The following COMMD7 variants were observed in gnomAD, a reference collection of about 807,000 sequenced individuals.
COMMD7 encodes the protein COMM domain containing 7.
A neutral mutation model predicts 34.8 loss-of-function variants in COMMD7; 28 were observed. The ratio of observed to expected loss-of-function variants is 0.80; its 90% CI spans 0.60 to 1.10. The LOEUF (loss-of-function observed/expected upper bound fraction) is 1.10, where lower values mean the gene tolerates loss of function less well. Ranked by LOEUF, COMMD7 falls within the 50% of genes least tolerant of loss-of-function variation. The pLI is 0.00. For missense variants in COMMD7, 211 were observed against 241.6 expected (o/e 0.87, Z 0.84); for synonymous variants, 80 against 86.4 (o/e 0.93, Z 0.41).
chr20:32,733,309 G>C (rs958880489), intron 1 of COMMD7, among the ~76,000 whole-genome samples: 1 of 151,930 alleles, frequency 6.6e-6, no homozygotes. Context: ...GGCCACGCGC[G>C]GTGGCTCACG....
rs73906019 is a variant in COMMD7 at position 32,704,701 on chromosome 20, G to T, written c.427+113C>A. 4,468 of 838,318 alleles carry T rather than the reference G, an allele frequency of 5.3e-3. 138 individuals carry two copies. The African/African-American group carries it at 0.068, about 13-fold the overall frequency. 51.9% of individuals were successfully genotyped at this position (838,318 alleles called of 1,614,324 possible). ...GACAGAATACAAAACAGCAGCTGCT[G>T]CCCCAACAGTGCTAGGGACTAGGTC... is the stretch of plus-strand genomic sequence containing the variant. On this transcript the variant is annotated intron_variant, in intron 6 of 8. Coordinates refer to ENST00000278980, the MANE Select transcript of COMMD7 (RefSeq NM_053041.3).
intron 1 of COMMD7, among the ~76,000 whole-genome samples, chr20:32,730,324 G>A (rs1985765014): frequency 6.6e-6 from 1 of 152,052 alleles, no homozygotes; most frequent in Non-Finnish European, 1.5e-5. Context: ...AGAGGCTGAG[G>A]TTGGCGGATC....
Position 32,743,413 on chromosome 20 carries a change from G to A in COMMD7, c.-22C>T, listed in dbSNP as rs1986552545. The A allele has an allele frequency of 7.5e-7, 1 of 1,332,706 alleles. No homozygotes were observed. The highest frequency in any genetic ancestry group is 9.5e-7 in the Non-Finnish European group (1 of 1,047,652). The allele number at this position is 1,332,706 out of a possible 1,614,324, so 82.6% of individuals were successfully genotyped here. A position where few individuals can be genotyped will look rare whatever the true frequency, so the allele number is the denominator to read the frequency against. On this transcript the variant is annotated 5_prime_UTR_variant, in exon 1 of 9. Coordinates refer to ENST00000278980, the MANE Select transcript of COMMD7 (RefSeq NM_053041.3). The stretch of plus-strand genomic sequence containing the variant: ...CCATGGCGCGCGCCCCAGCCCCGCA[G>A]GTTCCACCGCCGCCGCCGCCCTGCT...
intron 1 of COMMD7, among the ~76,000 whole-genome samples, chr20:32,728,646 A>C (rs1027875705): frequency 2.6e-5 from 4 of 151,606 alleles, no homozygotes; most frequent in Non-Finnish European, 5.9e-5. Context: ...GGCTCACTGC[A>C]ACCTCTGCCT....
intron 3 of COMMD7, among the ~76,000 whole-genome samples, chr20:32,713,129 A>G (rs1362627005): frequency 6.7e-6 from 1 of 148,426 alleles, no homozygotes; most frequent in South Asian, 2.2e-4. Context: ...GCTCACTGCA[A>G]CCTCCGCCTC....
At chr20:32,736,769 G>A (rs1986148216) in intron 1 of COMMD7, among the ~76,000 whole-genome samples, 1 of 152,128 alleles carries the variant, frequency 6.6e-6, no homozygotes, top group African/African-American at 2.4e-5. Context: ...TCCTGGGGGT[G>A]ATGGCTCACA....
At chr20:32,718,057 C>T (rs1460670197) in intron 3 of COMMD7, among the ~76,000 whole-genome samples, 4 of 148,502 alleles carry the variant, frequency 2.7e-5, no homozygotes, top group African/African-American at 5.0e-5. Flanking sequence ...CCACTGCACT[C>T]GAGCCTCGGC....
intron 7 of COMMD7, 46 bp from the exon 8 acceptor site, chr20:32,704,117 GGGCA>G (rs35093495): frequency 0.33 from 483,173 of 1,450,898 alleles, 84,178 homozygotes; most frequent in Middle Eastern, 0.38. Flanking sequence ...GATGACAACT[GGGCA>G]AAGAAATTCT....
intron 1 of COMMD7, among the ~76,000 whole-genome samples, chr20:32,741,576 A>C (rs1986448435): frequency 6.6e-6 from 1 of 152,060 alleles, no homozygotes; most frequent in African/African-American, 2.4e-5. Context: ...TTTTTAGTAG[A>C]GACAGGGTTT....
intron 1 of COMMD7, among the ~76,000 whole-genome samples, chr20:32,737,900 G>A (rs984134458): frequency 6.8e-6 from 1 of 147,106 alleles, no homozygotes; most frequent in Admixed American, 6.9e-5. Context: ...TATTTTCTAC[G>A]AATACCAAGC....
intron 1 of COMMD7, among the ~76,000 whole-genome samples, chr20:32,730,511 T>C (rs990553370): frequency 7.2e-5 from 11 of 151,984 alleles, no homozygotes; most frequent in Non-Finnish European, 1.0e-4. Context: ...GTGGAGATCA[T>C]GCCACTGCAC....
Position 32,704,894 on chromosome 20 carries a change from T to G in COMMD7, c.347A>C (p.Asn116Thr), listed in dbSNP as rs375730181. 4 of 1,612,490 alleles carry G rather than the reference T, an allele frequency of 2.5e-6. No homozygotes were observed. In the African/African-American group the frequency reaches 5.3e-5, roughly 22 times the overall value. The part of the protein sequence containing the change: ...ATYFSEKWKQ[N>T]APTLARWAIG... ...GGCCCATCGAGCAAGGGTGGGAGCA[T>G]TCTGCTTCCACTGGAACAAAAGCAA... The change falls in exon 6 of 9, where the codon AAT (asparagine) becomes ACT (threonine). Residue 116 changes from asparagine (N) to threonine (T), a missense_variant. Coordinates refer to ENST00000278980, the MANE Select transcript of COMMD7 (RefSeq NM_053041.3).
chr20:32,738,132 A>T (rs2145788244), intron 1 of COMMD7, among the ~76,000 whole-genome samples: 1 of 152,120 alleles, frequency 6.6e-6, no homozygotes, highest in South Asian at 2.1e-4. Context: ...GACATTATTT[A>T]TTTATTTTCT....
Position 32,704,015 on chromosome 20 carries a change from A to G in COMMD7, c.526+8T>C. 6.2e-6 allele frequency: 10 copies of G among 1,614,096 alleles called. No individual in the cohort carries two copies. The highest frequency in any genetic ancestry group is 8.5e-6 in the Non-Finnish European group (10 of 1,179,990). ...GGTGAAGAGGCTCAAGTGGGAATTC[A>G]GACTCACCTATATACACATTTTCGG... On this transcript the variant is annotated splice_region_variant and intron_variant, in intron 8 of 8. Coordinates refer to ENST00000278980, the MANE Select transcript of COMMD7 (RefSeq NM_053041.3).
At position 32,724,948 on chromosome 20, in the gene COMMD7, AT is replaced by A. The variant is rs376502316; in HGVS notation, c.241+2944del. Among the ~76,000 whole-genome samples the A allele has an allele frequency of 3.8e-5, 5 of 130,432 alleles. 1 individual carries two copies. The highest frequency in any genetic ancestry group is 1.1e-4 in the African/African-American group (4 of 35,150). The allele number at this position is 130,432 out of a possible 152,430, so 85.6% of individuals were successfully genotyped here. ...CCAAGAATTATCAATAAAAAAATAA[AT>A]TTAAAAAAAAAAAAAAAAAAAAAAA... On this transcript the variant is annotated intron_variant, in intron 3 of 8. Transcript: ENST00000278980.
intron 3 of COMMD7, among the ~76,000 whole-genome samples, chr20:32,714,856 A>ACAACAAC (rs1555823789): frequency 1.3e-5 from 2 of 150,022 alleles, no homozygotes; most frequent in African/African-American, 2.5e-5. Flanking sequence ...AACAACAACA[A>ACAACAAC]AAATTAGCCA....
chr20:32,721,837 C>T (rs1985174244), intron 3 of COMMD7, among the ~76,000 whole-genome samples: 1 of 149,982 alleles, frequency 6.7e-6, no homozygotes, highest in African/African-American at 2.5e-5. Context: ...TGGAGGTTTG[C>T]AGTGAGCTGA....
chr20:32,740,863 G>A (rs886224919), intron 1 of COMMD7, among the ~76,000 whole-genome samples: 1 of 151,720 alleles, frequency 6.6e-6, no homozygotes, highest in African/African-American at 2.4e-5. Context: ...GTTACAGTTG[G>A]CAGGGTGCAT....
rs373422944 is a variant in COMMD7 at position 32,704,065 on chromosome 20, A to T, written c.484T>A (p.Leu162Met). 3 of 1,593,140 alleles carry T rather than the reference A, an allele frequency of 1.9e-6. No individual in the cohort carries two copies. The highest frequency in any genetic ancestry group is 2.6e-6 in the Non-Finnish European group (3 of 1,169,120). ...GTTTGATTTCCTTTCTTAACCACCA[A>T]CTTTAGCTGATGAAAGAAAAAGAAA... Reference protein sequence around the residue: ...KVGSIFLQLKLVVKKGNQTEN... With the variant: ...KVGSIFLQLKMVVKKGNQTEN... Residue 162 changes from leucine (L) to methionine (M), a missense_variant, in exon 8 of 9, where the codon TTG becomes ATG. Coordinates refer to ENST00000278980, the MANE Select transcript of COMMD7 (RefSeq NM_053041.3).
Sources: gnomAD v4.1 joint callset for allele counts (sites outside exome capture counted in the v4.1 genomes callset) on GRCh38, gnomAD v4.1.1 for gene constraint, MANE v1.5 for transcripts, NCBI Gene and HGNC (gene_info 2026-07-23, HGNC 2026-07-21) for gene names.